Variants in PLCXD3 observed in about 807,000 individuals in gnomAD.
PLCXD3 encodes phosphatidylinositol specific phospholipase C X domain containing 3.
A neutral mutation model predicts 25.5 loss-of-function variants in PLCXD3; 19 were observed. That is an observed-to-expected ratio of 0.75 (90% CI 0.52 to 1.09). The LOEUF (loss-of-function observed/expected upper bound fraction) is 1.09. PLCXD3 is among the 50% of genes least tolerant of loss of function. PLCXD3 has a pLI of 0.00. For synonymous variants in PLCXD3, 174 were observed against 137.6 expected (o/e 1.26, Z -1.85); for missense variants, 411 against 388.1 (o/e 1.06, Z -0.50).
intron 1 of PLCXD3, among the ~76,000 whole-genome samples, chr5:41,507,468 C>T (rs1052607688): frequency 6.6e-6 from 1 of 152,194 alleles, no homozygotes; most frequent in East Asian, 1.9e-4. Context: ...CAGTCAATAT[C>T]ATATCATGAA....
chr5:41,326,071 T>G (rs1203991755), intron 2 of PLCXD3, among the ~76,000 whole-genome samples: 1 of 152,192 alleles, frequency 6.6e-6, no homozygotes, highest in Non-Finnish European at 1.5e-5. Context: ...TCTTGAAGGT[T>G]AGGATTTCAA....
intron 1 of PLCXD3, among the ~76,000 whole-genome samples, chr5:41,444,805 T>C (rs1747458852): frequency 6.6e-6 from 1 of 152,200 alleles, no homozygotes; most frequent in Non-Finnish European, 1.5e-5. Context: ...TAAGTTATTT[T>C]GTTAGCACCT....
chr5:41,325,329 T>C (rs1743596504), intron 2 of PLCXD3, among the ~76,000 whole-genome samples: 1 of 152,174 alleles, frequency 6.6e-6, no homozygotes, highest in Non-Finnish European at 1.5e-5. Context: ...TCTCAAATAC[T>C]CAGACAGTCT....
intron 2 of PLCXD3, among the ~76,000 whole-genome samples, chr5:41,342,689 T>C (rs1744185671): frequency 6.6e-6 from 1 of 152,154 alleles, no homozygotes; most frequent in South Asian, 2.1e-4. Flanking sequence ...ATTGAGTCAA[T>C]AGAACTTTTG....
intron 1 of PLCXD3, among the ~76,000 whole-genome samples, chr5:41,407,564 C>G (rs1016762076): frequency 6.6e-6 from 1 of 152,114 alleles, no homozygotes; most frequent in Non-Finnish European, 1.5e-5. Context: ...CCTCAATCTT[C>G]CAGCTCGTGA....
rs894742034 is a variant in PLCXD3, at chr5:41,419,035, T to C, written c.104-36501A>G. On this transcript the variant is annotated intron_variant, in intron 1 of 2. Coordinates refer to ENST00000377801, the MANE Select transcript of PLCXD3 (RefSeq NM_001005473.3). ...GGCCACAGCCCTCGATTGTAGACAGTAGGTTTTACTTTATGTTATTATTAG... is the reference window on the plus strand; with the variant it reads ...GGCCACAGCCCTCGATTGTAGACAGCAGGTTTTACTTTATGTTATTATTAG... Among the ~76,000 whole-genome samples the C allele has an allele frequency of 2.0e-5, 3 of 152,184 alleles. No individual in the cohort carries two copies. In the South Asian group the frequency reaches 6.2e-4, roughly 32 times the overall value.
At chr5:41,486,356 G>A (rs1748517922) in intron 1 of PLCXD3, among the ~76,000 whole-genome samples, 2 of 152,116 alleles carry the variant, frequency 1.3e-5, no homozygotes, top group South Asian at 2.1e-4. Context: ...GTGTCACTAT[G>A]TCTGTCTGGC....
At chr5:41,348,364 T>C (rs184847709) in intron 2 of PLCXD3, among the ~76,000 whole-genome samples, 43 of 152,220 alleles carry the variant, frequency 2.8e-4, no homozygotes, top group Non-Finnish European at 1.8e-4. Flanking sequence ...CAGAAAGTCA[T>C]TTTTGTTGTT....
At chr5:41,427,466 T>C (rs1013251396) in intron 1 of PLCXD3, among the ~76,000 whole-genome samples, 1 of 152,180 alleles carries the variant, frequency 6.6e-6, no homozygotes, top group African/African-American at 2.4e-5. Flanking sequence ...AGTGACACTT[T>C]ACTCTTTCCT....
intron 1 of PLCXD3, among the ~76,000 whole-genome samples, chr5:41,501,593 GAAA>G (rs932667531): frequency 5.3e-5 from 8 of 151,928 alleles, no homozygotes; most frequent in African/African-American, 1.7e-4. Flanking sequence ...CATGCAAGAT[GAAA>G]AAGTTCTAGA....
At chr5:41,473,942 A>G (rs929159735) in intron 1 of PLCXD3, among the ~76,000 whole-genome samples, 3 of 152,194 alleles carry the variant, frequency 2.0e-5, no homozygotes, top group Admixed American at 2.0e-4. Context: ...TTAAATTTCA[A>G]ACTAATCTAC....
intron 2 of PLCXD3, among the ~76,000 whole-genome samples, chr5:41,371,590 T>C (rs1253510360): frequency 6.6e-6 from 1 of 152,180 alleles, no homozygotes; most frequent in African/African-American, 2.4e-5. Flanking sequence ...AAGCCCAATC[T>C]TGTAAGTCCC....
intron 1 of PLCXD3, among the ~76,000 whole-genome samples, chr5:41,505,143 C>T (rs1205213289): frequency 6.6e-6 from 1 of 152,088 alleles, no homozygotes; most frequent in Non-Finnish European, 1.5e-5. Flanking sequence ...TAAATTTTTA[C>T]ACGAGTAAAG....
chr5:41,365,190 A>G (rs1744899562), intron 2 of PLCXD3, among the ~76,000 whole-genome samples: 1 of 152,184 alleles, frequency 6.6e-6, no homozygotes, highest in African/African-American at 2.4e-5. Context: ...TTTTCACCAT[A>G]GAAATTTTTC....
chr5:41,394,567 A>AAAC (rs1322680553), intron 1 of PLCXD3, among the ~76,000 whole-genome samples: 1 of 152,142 alleles, frequency 6.6e-6, no homozygotes, highest in Non-Finnish European at 1.5e-5. Flanking sequence ...TGCCTACAAG[A>AAAC]AACACACTTT....
At chr5:41,325,093 A>C (rs531766546) in intron 2 of PLCXD3, among the ~76,000 whole-genome samples, 1 of 152,362 alleles carries the variant, frequency 6.6e-6, no homozygotes, top group South Asian at 2.1e-4. Context: ...CGGAGAGGTT[A>C]GGAGAACACA....
intron 2 of PLCXD3, among the ~76,000 whole-genome samples, chr5:41,350,616 T>C (rs978074513): frequency 6.6e-6 from 1 of 152,222 alleles, no homozygotes; most frequent in Non-Finnish European, 1.5e-5. Flanking sequence ...CAATAGGGTA[T>C]TCTGAGCATA....
At chr5:41,370,303 A>C (rs1745057319) in intron 2 of PLCXD3, among the ~76,000 whole-genome samples, 1 of 151,986 alleles carries the variant, frequency 6.6e-6, no homozygotes, top group South Asian at 2.1e-4. Context: ...TAATCAACAA[A>C]GCCAAATATT....
chr5:41,378,054 T>C (rs1239812612), intron 2 of PLCXD3, among the ~76,000 whole-genome samples: 1 of 152,082 alleles, frequency 6.6e-6, no homozygotes, highest in Non-Finnish European at 1.5e-5. Context: ...GCGAGGACAA[T>C]GTCAGAATCA....
Sources: allele counts gnomAD v4.1 joint callset (sites outside exome capture counted in the v4.1 genomes callset), GRCh38; gene constraint gnomAD v4.1.1; transcripts MANE v1.5; gene names NCBI Gene and HGNC (gene_info 2026-07-23, HGNC 2026-07-21).